RABGAP1L: variants seen among roughly 807,000 people sequenced by gnomAD.
RABGAP1L encodes the protein rab GTPase-activating protein 1-like.
Under a neutral mutation model 137.7 loss-of-function variants are expected in RABGAP1L, and 63 were observed. That is an observed-to-expected ratio of 0.46 (90% CI 0.37 to 0.56). The LOEUF (loss-of-function observed/expected upper bound fraction) is 0.56. RABGAP1L is among the 20% of genes least tolerant of loss of function. RABGAP1L has a pLI of 0.00. For missense variants in RABGAP1L, 1,095 were observed against 1,244.0 expected (o/e 0.88, Z 1.80); for synonymous variants, 431 against 433.7 (o/e 0.99, Z 0.08).
chr1:174,450,743 A>T (rs116636452), intron 13 of RABGAP1L, among the ~76,000 whole-genome samples: 24 of 152,298 alleles, frequency 1.6e-4, no homozygotes, highest in African/African-American at 5.5e-4. Flanking sequence ...TCTAAGTATT[A>T]CTTTTTTACC....
At chr1:174,230,085 A>T (rs941990979) in intron 3 of RABGAP1L, among the ~76,000 whole-genome samples, 1 of 152,186 alleles carries the variant, frequency 6.6e-6, no homozygotes, top group Admixed American at 6.5e-5. Flanking sequence ...TGATGAGTTC[A>T]TGTCCTTTGT....
intron 19 of RABGAP1L, among the ~76,000 whole-genome samples, chr1:174,878,219 A>G (rs1653470282): frequency 6.6e-6 from 1 of 152,090 alleles, no homozygotes; most frequent in African/African-American, 2.4e-5. Context: ...TCAACGATCT[A>G]TACCTCTGAA....
chr1:174,568,851 A>G (rs1326798932), intron 13 of RABGAP1L, among the ~76,000 whole-genome samples: 2 of 152,240 alleles, frequency 1.3e-5, no homozygotes, highest in Non-Finnish European at 2.9e-5. Context: ...TAGATAAACA[A>G]AAGGGAACAA....
intron 5 of RABGAP1L, among the ~76,000 whole-genome samples, chr1:174,243,603 T>C (rs1672012757): frequency 1.3e-5 from 2 of 152,216 alleles, no homozygotes; most frequent in Non-Finnish European, 1.5e-5. Context: ...AGAGAGCTTA[T>C]GCCAGGCACT....
At chr1:174,575,363 G>A (rs1447432976) in intron 13 of RABGAP1L, among the ~76,000 whole-genome samples, 2 of 152,054 alleles carry the variant, frequency 1.3e-5, no homozygotes, top group African/African-American at 4.8e-5. Flanking sequence ...TAATTATTTA[G>A]CAGCTCTATC....
chr1:174,946,980 G>GTGTGTGTGTATA lies in RABGAP1L; in HGVS notation c.2341-10476_2341-10475insGTGTGTGTATAT, dbSNP rs770439099. ...TGTGTGTGTGTGTGTGTGTGTGTGTGTATATATATGTATATATATATGTAT... is the reference window on the plus strand; with the variant it reads ...TGTGTGTGTGTGTGTGTGTGTGTGTGTGTGTGTGTATATATATATATGTATATATATATGTAT... On this transcript the variant is annotated intron_variant, in intron 19 of 25. Coordinates refer to ENST00000681986, the MANE Select transcript of RABGAP1L (RefSeq NM_001366446.1). Among the ~76,000 whole-genome samples the GTGTGTGTGTATA allele has an allele frequency of 1.8e-3, 143 of 78,240 alleles. 1 individual carries two copies. Among genetic ancestry groups the GTGTGTGTGTATA allele is most frequent in the African/African-American group, 7.4e-3 (137 of 18,438 alleles). The allele number at this position is 78,240 out of a possible 152,430, so 51.3% of individuals were successfully genotyped here. A position where few individuals can be genotyped will look rare whatever the true frequency, so the allele number is the denominator to read the frequency against.
At position 174,228,933 on chromosome 1, in the gene RABGAP1L, G is replaced by C. The variant is rs186559719; in HGVS notation, c.332-2212G>C. ...TTAGGTAGGGGCATGAAGGGAGAAT[G>C]TTATACTACCTGATACACGGAGATG... On this transcript the variant is annotated intron_variant, in intron 3 of 25. Coordinates refer to ENST00000681986, the MANE Select transcript of RABGAP1L (RefSeq NM_001366446.1). Among the ~76,000 whole-genome samples, 178 of 152,160 alleles carry C rather than the reference G, an allele frequency of 1.2e-3. 1 individual carries two copies. The highest frequency in any genetic ancestry group is 4.2e-3 in the African/African-American group (174 of 41,496).
At chr1:174,602,657 CTATT>C (rs889046385) in intron 13 of RABGAP1L, among the ~76,000 whole-genome samples, 11 of 152,036 alleles carry the variant, frequency 7.2e-5, no homozygotes, top group Admixed American at 3.9e-4. Flanking sequence ...CCTTTTCTGA[CTATT>C]TATTTTCAGA....
At chr1:174,955,924 TTAAAA>T (rs1309526309) in intron 19 of RABGAP1L, among the ~76,000 whole-genome samples, 2 of 152,062 alleles carry the variant, frequency 1.3e-5, no homozygotes, top group African/African-American at 2.4e-5. Flanking sequence ...TCTACAAAAG[TTAAAA>T]TAAAATAATA....
chr1:174,248,948 A>G (rs554493605), intron 5 of RABGAP1L, among the ~76,000 whole-genome samples: 2 of 152,192 alleles, frequency 1.3e-5, no homozygotes, highest in East Asian at 3.9e-4. Flanking sequence ...TTCTTTGTCA[A>G]CCTATGCGTG....
At chr1:174,377,558 A>G (rs977950773) in intron 12 of RABGAP1L, among the ~76,000 whole-genome samples, 1 of 152,172 alleles carries the variant, frequency 6.6e-6, no homozygotes. Context: ...CTAAACAGAC[A>G]TTTTCTAAAG....
chr1:174,668,866 C>T (rs1195017833), intron 14 of RABGAP1L, among the ~76,000 whole-genome samples: 1 of 152,106 alleles, frequency 6.6e-6, no homozygotes, highest in Non-Finnish European at 1.5e-5. Flanking sequence ...ATTAGTGACA[C>T]ATTTTTTCAT....
intron 20 of RABGAP1L, chr1:174,965,107 A>G: frequency 1.5e-6 from 1 of 667,730 alleles, no homozygotes; most frequent in South Asian, 1.9e-5. Flanking sequence ...TCCTATCCAT[A>G]AGGGGTGAAA....
chr1:174,677,133 G>A (rs1677691136), intron 14 of RABGAP1L, among the ~76,000 whole-genome samples: 1 of 143,696 alleles, frequency 7.0e-6, no homozygotes, highest in Non-Finnish European at 1.5e-5. Context: ...ACCAGTCTAG[G>A]CAACATAGTG....
chr1:174,540,691 C>T (rs1572234185), intron 13 of RABGAP1L, among the ~76,000 whole-genome samples: 1 of 126,472 alleles, frequency 7.9e-6, no homozygotes, highest in Non-Finnish European at 1.9e-5. Flanking sequence ...GTTTTGGTTA[C>T]TGTAGTCTTG....
At chr1:174,555,395 T>TTA (rs1162606155) in intron 13 of RABGAP1L, among the ~76,000 whole-genome samples, 8 of 152,192 alleles carry the variant, frequency 5.3e-5, no homozygotes, top group Admixed American at 6.5e-5. Flanking sequence ...TTGCAATCAT[T>TTA]TATTTCCCTT....
chr1:174,882,383 C>A (rs550698238), intron 19 of RABGAP1L, among the ~76,000 whole-genome samples: 1 of 152,100 alleles, frequency 6.6e-6, no homozygotes, highest in Admixed American at 6.5e-5. Flanking sequence ...CATAAGTAAC[C>A]CTGTGTCTTT....
chr1:174,195,616 T>C (rs10798306), intron 1 of RABGAP1L, among the ~76,000 whole-genome samples: 1,735 of 57,330 alleles, frequency 0.03, 26 homozygotes, highest in South Asian at 0.07. Flanking sequence ...TTTCTTTCTT[T>C]CTTCCTTCCT....
intron 19 of RABGAP1L, chr1:174,954,158 T>G (rs1367987485): frequency 1.3e-5 from 2 of 152,208 alleles, no homozygotes; most frequent in Non-Finnish European, 2.9e-5. Context: ...TTTGATTACC[T>G]CATAAATAAC....
Sources: allele counts gnomAD v4.1 joint callset (sites outside exome capture counted in the v4.1 genomes callset), GRCh38; gene constraint gnomAD v4.1.1; transcripts MANE v1.5; gene names NCBI Gene and HGNC (gene_info 2026-07-23, HGNC 2026-07-21).